UBE2D3: variants seen among roughly 807,000 people sequenced by gnomAD.
The protein encoded by UBE2D3 is ubiquitin-conjugating enzyme E2 D3.
In UBE2D3, 2 loss-of-function variants were observed where a neutral mutation model predicts 22.8. The ratio of observed to expected loss-of-function variants is 0.09; its 90% CI spans 0.04 to 0.28. The LOEUF is 0.28. Among genes scored for constraint, UBE2D3 ranks in the 10% least tolerant of loss-of-function variants. The pLI, the probability that UBE2D3 is intolerant of heterozygous loss-of-function variation, is 1.00. For synonymous variants in UBE2D3, 56 were observed against 60.4 expected, an observed-to-expected ratio of 0.93 and a Z score of 0.34; for missense variants, 27 against 182.5, an observed-to-expected ratio of 0.15 and a Z score of 4.91.
chr4:102,846,373 T>C (rs1228992573), intron 1 of UBE2D3, among the ~76,000 whole-genome samples: 1 of 152,256 alleles, frequency 6.6e-6, no homozygotes, highest in East Asian at 1.9e-4. Flanking sequence ...TTATAGGCTA[T>C]TACTGAATTT....
chr4:102,826,969 G>C (rs970938718), intron 1 of UBE2D3: 1 of 999,936 alleles, frequency 1.0e-6, no homozygotes, highest in African/African-American at 1.7e-5. Flanking sequence ...GGCGTCACTA[G>C]GGCAAAGAAA....
intron 2 of UBE2D3, among the ~76,000 whole-genome samples, chr4:102,824,537 A>G (rs1409792209): frequency 6.6e-6 from 1 of 152,258 alleles, no homozygotes; most frequent in South Asian, 2.1e-4. Context: ...ATAGAGGCAC[A>G]TAAACTTGCC....
At chr4:102,820,996 C>A (rs917585141) in intron 2 of UBE2D3, among the ~76,000 whole-genome samples, 1 of 152,106 alleles carries the variant, frequency 6.6e-6, no homozygotes, top group Non-Finnish European at 1.5e-5. Flanking sequence ...GATGTTTCAA[C>A]AAAGTATAAA....
intron 1 of UBE2D3, among the ~76,000 whole-genome samples, chr4:102,848,559 C>T (rs374828656): frequency 1.1e-3 from 166 of 152,150 alleles, no homozygotes; most frequent in Non-Finnish European, 7.4e-4. Context: ...ACAGGAGAAT[C>T]GCATGAACCT....
intron 7 of UBE2D3, among the ~76,000 whole-genome samples, chr4:102,798,509 G>A (rs1725598764): frequency 6.6e-6 from 1 of 151,476 alleles, no homozygotes. Context: ...TGACGCTAAT[G>A]CATGCTTGTC....
At chr4:102,856,108 G>A (rs1310264496) in intron 1 of UBE2D3, among the ~76,000 whole-genome samples, 1 of 152,200 alleles carries the variant, frequency 6.6e-6, no homozygotes, top group Non-Finnish European at 1.5e-5. Context: ...GCTCATGCCT[G>A]TACTCCCAGC....
At chr4:102,799,317 T>C in intron 7 of UBE2D3, 90 bp downstream of exon 7, 1 of 972,594 alleles carries the variant, frequency 1.0e-6, no homozygotes, top group South Asian at 1.6e-5. Context: ...TCTTACTAAA[T>C]ATCAAGTCTT....
chr4:102,801,642 G>A (rs1025496242), intron 5 of UBE2D3, 83 bp from the exon 6 acceptor site: 1 of 1,133,432 alleles, frequency 8.8e-7, no homozygotes, highest in Middle Eastern at 2.1e-4. Flanking sequence ...AAGCCACAAT[G>A]TTAAAAATGT....
intron 1 of UBE2D3, among the ~76,000 whole-genome samples, chr4:102,867,038 G>A (rs1039957552): frequency 6.6e-6 from 1 of 152,180 alleles, no homozygotes; most frequent in Non-Finnish European, 1.5e-5. Context: ...ACATCACTTT[G>A]TATACACCAT....
chr4:102,828,648 G>A (rs1315774807), upstream of UBE2D3, among the ~76,000 whole-genome samples: 1 of 152,208 alleles, frequency 6.6e-6, no homozygotes, highest in East Asian at 1.9e-4. Flanking sequence ...CTGTTGCTGT[G>A]TTTCAGTTCT....
intron 7 of UBE2D3, among the ~76,000 whole-genome samples, chr4:102,798,706 C>G (rs1439566688): frequency 1.3e-5 from 2 of 151,228 alleles, no homozygotes; most frequent in Non-Finnish European, 3.0e-5. Flanking sequence ...CCATTTCTTA[C>G]TAGTGCTATT....
chr4:102,839,573 C>T (rs562743960), intron 1 of UBE2D3, among the ~76,000 whole-genome samples: 145 of 152,278 alleles, frequency 9.5e-4, no homozygotes, highest in African/African-American at 3.1e-3. Context: ...CACCCGGCCT[C>T]ATATGATTTT....
chr4:102,837,417 A>G (rs531191481), intron 1 of UBE2D3, among the ~76,000 whole-genome samples: 28 of 152,384 alleles, frequency 1.8e-4, no homozygotes, highest in African/African-American at 6.3e-4. Flanking sequence ...GGTATATTTT[A>G]CAAGTTGTAA....
intron 1 of UBE2D3, among the ~76,000 whole-genome samples, chr4:102,862,152 GT>G (rs920550345): frequency 6.6e-6 from 1 of 151,872 alleles, no homozygotes; most frequent in Non-Finnish European, 1.5e-5. Flanking sequence ...TGTTTCTTTA[GT>G]TTTCCATTTA....
At chr4:102,812,418 A>C (rs907106526) in intron 2 of UBE2D3, 1 of 152,226 alleles carries the variant, frequency 6.6e-6, no homozygotes, top group Non-Finnish European at 1.5e-5. Context: ...AGTCCTCTAA[A>C]TTTTGTTCAT....
intron 1 of UBE2D3, among the ~76,000 whole-genome samples, chr4:102,860,106 C>T (rs967994918): frequency 6.6e-6 from 1 of 152,156 alleles, no homozygotes; most frequent in Non-Finnish European, 1.5e-5. Flanking sequence ...CTCGGCCTCC[C>T]AAAGCACTGG....
At chr4:102,829,926 A>G (rs746016327), upstream of UBE2D3, among the ~76,000 whole-genome samples, 1 of 152,248 alleles carries the variant, frequency 6.6e-6, no homozygotes, top group Non-Finnish European at 1.5e-5. Flanking sequence ...TCTCAAAAAA[A>G]AACAAGAACA....
chr4:102,829,801 T>C (rs1490873359), upstream of UBE2D3, among the ~76,000 whole-genome samples: 1 of 151,796 alleles, frequency 6.6e-6, no homozygotes, highest in Non-Finnish European at 1.5e-5. Flanking sequence ...TAGCTGGGCG[T>C]AGTGGCGGGC....
At chr4:102,828,144 T>G (rs1174855484), upstream of UBE2D3, 45 of 985,354 alleles carry the variant, frequency 4.6e-5, 1 homozygote, top group Non-Finnish European at 3.6e-6. Flanking sequence ...CCCTGAATGC[T>G]TATGCCGGTG....
Sources: gnomAD v4.1 joint callset for allele counts (sites outside exome capture counted in the v4.1 genomes callset) on GRCh38, gnomAD v4.1.1 for gene constraint, MANE v1.5 for transcripts, NCBI Gene and HGNC (gene_info 2026-07-23, HGNC 2026-07-21) for gene names.